The following TTLL7 variants were observed in gnomAD, a reference collection of about 807,000 sequenced individuals.
The protein encoded by TTLL7 is tubulin tyrosine ligase like 7, also known as tubulin polyglutamylase TTLL7.
Under a neutral mutation model 120.2 loss-of-function variants are expected in TTLL7, and 53 were observed. The ratio of observed to expected loss-of-function variants is 0.44; its 90% CI spans 0.35 to 0.55. The LOEUF is 0.55. Ranked by LOEUF, TTLL7 falls within the 20% of genes least tolerant of loss-of-function variation. TTLL7 has a pLI of 0.00. For synonymous variants in TTLL7, 353 were observed against 351.7 expected, an observed-to-expected ratio of 1.00 and a Z score of -0.04; for missense variants, 803 against 1,054.7, an observed-to-expected ratio of 0.76 and a Z score of 3.31.
At chr1:83,891,684 A>T (rs1344233000) in intron 18 of TTLL7, among the ~76,000 whole-genome samples, 4 of 152,144 alleles carry the variant, frequency 2.6e-5, no homozygotes, top group Non-Finnish European at 5.9e-5. Flanking sequence ...GAGATTCAGT[A>T]AATAAACAGT....
chr1:83,991,703 T>A (rs907823553), intron 1 of TTLL7, among the ~76,000 whole-genome samples: 41 of 152,072 alleles, frequency 2.7e-4, no homozygotes, highest in African/African-American at 9.6e-4. Flanking sequence ...GGAAGAAAAA[T>A]TTGCCTTTGT....
At chr1:83,975,313 GCTC>G (rs1421280242) in intron 1 of TTLL7, among the ~76,000 whole-genome samples, 1 of 152,098 alleles carries the variant, frequency 6.6e-6, no homozygotes, top group African/African-American at 2.4e-5. Context: ...ATTTGTTAAA[GCTC>G]CTCAAGTGAT....
intron 18 of TTLL7, among the ~76,000 whole-genome samples, chr1:83,892,713 A>AAC (rs1491332041): frequency 7.5e-4 from 28 of 37,462 alleles, no homozygotes; most frequent in Non-Finnish European, 8.9e-4. Context: ...TGAACATATG[A>AAC]ACATATATAT....
rs1279496082 is a variant in TTLL7 at position 83,943,590 on chromosome 1, C to CAGGA, written c.507-915_507-912dup. On this transcript the variant is annotated intron_variant, in intron 6 of 20. Transcript: ENST00000260505. ...TTAGCTGACCACTGAGCTAACAGAA[C>CAGGA]AGGAACTTCAGTGGCCATACACAGC... is the stretch of plus-strand genomic sequence containing the variant. Among the ~76,000 whole-genome samples the CAGGA allele has an allele frequency of 2.0e-5, 3 of 152,302 alleles. No individual in the cohort carries two copies. The East Asian group carries it at 5.8e-4, about 29-fold the overall frequency.
chr1:83,892,144 T>G, intron 18 of TTLL7, among the ~76,000 whole-genome samples: 1 of 151,096 alleles, frequency 6.6e-6, no homozygotes, highest in Middle Eastern at 3.4e-3. Flanking sequence ...ACGCTTGTAA[T>G]AGAAGTAAAA....
At chr1:83,974,532 A>T (rs900783642) in intron 1 of TTLL7, among the ~76,000 whole-genome samples, 10 of 152,026 alleles carry the variant, frequency 6.6e-5, no homozygotes, top group African/African-American at 2.2e-4. Flanking sequence ...TATCTACTTA[A>T]TACAATGAAA....
At position 83,993,251 on chromosome 1, in the gene TTLL7, T is replaced by C. The variant is rs534673486; in HGVS notation, c.-177+5680A>G. Reference sequence around the variant, plus strand: ...ATCCTGAAAATTCCAATCCAACAAATAGCATTGAAATGATCTTGAAGCTGC... The same window carrying C: ...ATCCTGAAAATTCCAATCCAACAAACAGCATTGAAATGATCTTGAAGCTGC... On this transcript the variant is annotated intron_variant, in intron 1 of 20. Transcript: ENST00000260505. Among the ~76,000 whole-genome samples, 5 of 152,294 alleles carry C rather than the reference T, an allele frequency of 3.3e-5. No individual in the cohort carries two copies. The East Asian group carries it at 7.7e-4, about 24-fold the overall frequency.
Position 83,942,397 on chromosome 1 carries a change from T to C in TTLL7, c.723+66A>G, listed in dbSNP as rs1057145035. The C allele has an allele frequency of 3.7e-6, 5 of 1,350,176 alleles. No individual in the cohort carries two copies. In the East Asian group the frequency reaches 7.0e-5, roughly 19 times the overall value. 83.6% of individuals were successfully genotyped at this position (1,350,176 alleles called of 1,614,324 possible). ...TCATTCATACAATCTATATGCCTAA[T>C]GGATGCTTTAAAAAGTATATGTTGA... On this transcript the variant is annotated intron_variant, in intron 7 of 20. Transcript: ENST00000260505.
At chr1:83,990,350 T>A (rs1167871169) in intron 1 of TTLL7, among the ~76,000 whole-genome samples, 1 of 152,134 alleles carries the variant, frequency 6.6e-6, no homozygotes, top group African/African-American at 2.4e-5. Context: ...TAATTTTTTG[T>A]ATTTTTAGTA....
chr1:83,888,234 G>A (rs2100720883), intron 19 of TTLL7, among the ~76,000 whole-genome samples: 1 of 151,692 alleles, frequency 6.6e-6, no homozygotes, highest in South Asian at 2.1e-4. Context: ...CAAGCCAATG[G>A]ATCAACCAAC....
chr1:83,956,286 G>T (rs11163872), intron 1 of TTLL7, among the ~76,000 whole-genome samples: 70,462 of 148,800 alleles, frequency 0.47, 17,685 homozygotes, highest in Non-Finnish European at 0.57. Flanking sequence ...ATTTATTTAT[G>T]TATTTATTTA....
At chr1:83,943,346 A>G (rs913302740) in intron 6 of TTLL7, among the ~76,000 whole-genome samples, 2 of 152,140 alleles carry the variant, frequency 1.3e-5, no homozygotes, top group African/African-American at 4.8e-5. Flanking sequence ...CAAGGTTAGA[A>G]GCATGCTCAA....
intron 18 of TTLL7, among the ~76,000 whole-genome samples, chr1:83,890,860 C>A (rs1655404738): frequency 6.6e-6 from 1 of 151,866 alleles, no homozygotes; most frequent in Non-Finnish European, 1.5e-5. Context: ...ATAACTTAGA[C>A]CAGTGGAATA....
chr1:83,910,486 A>G (rs569280115), intron 15 of TTLL7, among the ~76,000 whole-genome samples: 10 of 152,272 alleles, frequency 6.6e-5, no homozygotes, highest in Non-Finnish European at 1.5e-4. Flanking sequence ...TCACAGACAC[A>G]ATATTGCACA....
At chr1:83,978,650 A>G (rs1160378209) in intron 1 of TTLL7, among the ~76,000 whole-genome samples, 3 of 152,180 alleles carry the variant, frequency 2.0e-5, no homozygotes, top group Non-Finnish European at 4.4e-5. Context: ...TTTATTAAAA[A>G]TTAGTTTAAA....
At chr1:83,875,898 C>T (rs1252005582) in intron 20 of TTLL7, among the ~76,000 whole-genome samples, 1 of 151,830 alleles carries the variant, frequency 6.6e-6, no homozygotes, top group African/African-American at 2.4e-5. Context: ...TTTTCCACCT[C>T]TTAATGGGGT....
At chr1:83,955,769 C>T (rs1649454434) in intron 1 of TTLL7, among the ~76,000 whole-genome samples, 2 of 152,146 alleles carry the variant, frequency 1.3e-5, no homozygotes, top group Non-Finnish European at 1.5e-5. Context: ...AATCCCAATA[C>T]TTTGGGAGGC....
chr1:83,865,323 T>C lies in TTLL7; in HGVS notation c.*4639A>G, dbSNP rs1652846308. The C allele has an allele frequency of 6.6e-6, 1 of 152,190 alleles. No homozygotes were observed. The highest frequency in any genetic ancestry group is 1.9e-4 in the East Asian group (1 of 5,186). The allele number at this position is 152,190 out of a possible 1,614,324, so 9.4% of individuals were successfully genotyped here. A position where few individuals can be genotyped will look rare whatever the true frequency, so the allele number is the denominator to read the frequency against. On this transcript the variant is annotated 3_prime_UTR_variant, in exon 21 of 21. Transcript: ENST00000260505. Reference sequence around the variant, plus strand: ...ATGTTGTAGCATGTACAGTAGTTATTGTATGAACTGAATAGCTCAGGACCA... The same window carrying C: ...ATGTTGTAGCATGTACAGTAGTTATCGTATGAACTGAATAGCTCAGGACCA...
chr1:83,902,101 T>G (rs1013096895), intron 18 of TTLL7: 7 of 151,920 alleles, frequency 4.6e-5, no homozygotes, highest in Admixed American at 3.9e-4. Flanking sequence ...TCCCCCCTGT[T>G]AGAATAAATG....
Sources: allele counts gnomAD v4.1 joint callset (sites outside exome capture counted in the v4.1 genomes callset), GRCh38; gene constraint gnomAD v4.1.1; transcripts MANE v1.5; gene names NCBI Gene and HGNC (gene_info 2026-07-23, HGNC 2026-07-21).